Variants in SETBP1 observed in about 807,000 individuals in gnomAD.
SETBP1 encodes the protein SET binding protein 1.
Under a neutral mutation model 101.0 loss-of-function variants are expected in SETBP1, and 9 were observed. That is an observed-to-expected ratio of 0.09 (90% CI 0.05 to 0.16). The LOEUF (loss-of-function observed/expected upper bound fraction) is 0.16, where lower values mean the gene tolerates loss of function less well. Among genes scored for constraint, SETBP1 ranks in the 10% least tolerant of loss-of-function variants. The pLI, the probability that SETBP1 is intolerant of heterozygous loss-of-function variation, is 1.00. For missense variants in SETBP1, 1,858 were observed against 2,033.8 expected (o/e 0.91, Z 1.66); for synonymous variants, 818 against 788.5 (o/e 1.04, Z -0.63).
chr18:44,793,338 G>A (rs1370441190), intron 2 of SETBP1, among the ~76,000 whole-genome samples: 1 of 152,186 alleles, frequency 6.6e-6, no homozygotes, highest in Non-Finnish European at 1.5e-5. Flanking sequence ...CAGAGATTCT[G>A]ATTGAAAAGG....
chr18:44,751,814 A>C lies in SETBP1; in HGVS notation c.486+49982A>C, dbSNP rs535853269. 5.9e-5 allele frequency among the ~76,000 whole-genome samples: 9 copies of C among 152,254 alleles called. No individual in the cohort carries two copies. The South Asian group carries it at 1.4e-3, about 25-fold the overall frequency. ...CTGAGTGGCTTAAAAAATAGACATA[A>C]ATTTTTCACAGTTCTGGTAGCTAGG... On this transcript the variant is annotated intron_variant, in intron 2 of 5. Coordinates refer to ENST00000649279, the MANE Select transcript of SETBP1 (RefSeq NM_015559.3).
chr18:45,007,830 T>C (rs941588781), intron 4 of SETBP1, among the ~76,000 whole-genome samples: 2 of 152,192 alleles, frequency 1.3e-5, no homozygotes, highest in Non-Finnish European at 2.9e-5. Context: ...GGATGAAGAA[T>C]GCATCCAGTT....
At chr18:44,978,531 TATG>T (rs1196858903) in intron 4 of SETBP1, among the ~76,000 whole-genome samples, 1 of 152,238 alleles carries the variant, frequency 6.6e-6, no homozygotes, top group East Asian at 1.9e-4. Flanking sequence ...CCATGATTCT[TATG>T]ATATCTGCCT....
intron 3 of SETBP1, among the ~76,000 whole-genome samples, chr18:44,932,302 A>C (rs1050967845): frequency 6.6e-6 from 1 of 152,218 alleles, no homozygotes; most frequent in Non-Finnish European, 1.5e-5. Context: ...TTCTGCTGAG[A>C]GATCCGCTGT....
intron 2 of SETBP1, among the ~76,000 whole-genome samples, chr18:44,731,502 T>A (rs1048322221): frequency 1.3e-5 from 2 of 152,202 alleles, no homozygotes; most frequent in African/African-American, 4.8e-5. Context: ...TTCATCTCGA[T>A]CTAACCAAAC....
chr18:44,774,801 G>T (rs886840505), intron 2 of SETBP1, among the ~76,000 whole-genome samples: 1 of 152,042 alleles, frequency 6.6e-6, no homozygotes, highest in African/African-American at 2.4e-5. Context: ...ATATACTGTC[G>T]ACCCTCATTG....
chr18:44,818,878 A>G (rs544184725), intron 2 of SETBP1, among the ~76,000 whole-genome samples: 1 of 151,824 alleles, frequency 6.6e-6, no homozygotes, highest in South Asian at 2.1e-4. Flanking sequence ...ATCATCTTAC[A>G]TATCCTTTTG....
intron 4 of SETBP1, among the ~76,000 whole-genome samples, chr18:45,016,573 C>T (rs1161272159): frequency 7.9e-5 from 12 of 152,102 alleles, no homozygotes; most frequent in Non-Finnish European, 1.5e-5. Flanking sequence ...ATGATTCACA[C>T]GTTTTCAGAT....
chr18:44,715,693 A>G (rs1422613778), intron 2 of SETBP1, among the ~76,000 whole-genome samples: 1 of 152,242 alleles, frequency 6.6e-6, no homozygotes, highest in African/African-American at 2.4e-5. Flanking sequence ...GGAAATAGAA[A>G]GTGTTCTTTT....
At chr18:44,865,393 A>G (rs1315345724) in intron 2 of SETBP1, among the ~76,000 whole-genome samples, 1 of 152,200 alleles carries the variant, frequency 6.6e-6, no homozygotes, top group African/African-American at 2.4e-5. Context: ...GTTTCCCAGC[A>G]GAGGTGGCTC....
chr18:45,001,245 A>T (rs1178424105), intron 4 of SETBP1, among the ~76,000 whole-genome samples: 10 of 152,116 alleles, frequency 6.6e-5, no homozygotes, highest in Admixed American at 6.5e-4. Flanking sequence ...TCTTGTCACC[A>T]CTCAAAGCCT....
At chr18:44,899,708 G>A (rs998467224) in intron 3 of SETBP1, among the ~76,000 whole-genome samples, 1 of 152,176 alleles carries the variant, frequency 6.6e-6, no homozygotes, top group Non-Finnish European at 1.5e-5. Flanking sequence ...CACAAACTAT[G>A]TAGCTGGTCC....
chr18:44,874,718 T>A (rs893633776), intron 3 of SETBP1, among the ~76,000 whole-genome samples: 1 of 152,188 alleles, frequency 6.6e-6, no homozygotes, highest in African/African-American at 2.4e-5. Flanking sequence ...CCTGTTCAAA[T>A]GAACTGTTAC....
intron 2 of SETBP1, among the ~76,000 whole-genome samples, chr18:44,740,347 C>A (rs1331945970): frequency 6.6e-6 from 1 of 152,154 alleles, no homozygotes; most frequent in Non-Finnish European, 1.5e-5. Context: ...GAGGAGACAG[C>A]AAGAAAGTGG....
At chr18:44,909,612 C>T (rs746187150) in intron 3 of SETBP1, among the ~76,000 whole-genome samples, 1 of 152,158 alleles carries the variant, frequency 6.6e-6, no homozygotes. Flanking sequence ...TTATAGTAAC[C>T]GATGCTACTG....
chr18:44,817,877 G>A (rs1354738104), intron 2 of SETBP1, among the ~76,000 whole-genome samples: 2 of 152,154 alleles, frequency 1.3e-5, no homozygotes, highest in Admixed American at 6.5e-5. Flanking sequence ...GTGTCCTTAT[G>A]GGAACAATGG....
At chr18:44,947,099 G>T (rs924645183) in intron 3 of SETBP1, among the ~76,000 whole-genome samples, 1 of 152,152 alleles carries the variant, frequency 6.6e-6, no homozygotes, top group Non-Finnish European at 1.5e-5. Flanking sequence ...GCAAGAAGGG[G>T]AGACAGGCAT....
At chr18:44,935,748 A>C (rs1178531690) in intron 3 of SETBP1, among the ~76,000 whole-genome samples, 1 of 152,198 alleles carries the variant, frequency 6.6e-6, no homozygotes, top group Non-Finnish European at 1.5e-5. Context: ...ACCATAAACA[A>C]GCATGGGAAA....
chr18:44,923,410 C>T (rs2070626581), intron 3 of SETBP1, among the ~76,000 whole-genome samples: 1 of 152,138 alleles, frequency 6.6e-6, no homozygotes. Context: ...CAGAATCACC[C>T]AGAGATCTAA....
Sources: allele counts gnomAD v4.1 joint callset (sites outside exome capture counted in the v4.1 genomes callset), GRCh38; gene constraint gnomAD v4.1.1; transcripts MANE v1.5; gene names NCBI Gene and HGNC (gene_info 2026-07-23, HGNC 2026-07-21).